Variants in DDX10 observed in about 807,000 individuals in gnomAD.
DDX10 encodes DEAD-box helicase 10.
DDX10 carries 74 observed loss-of-function variants against 104.3 expected under a neutral mutation model. The ratio of observed to expected loss-of-function variants is 0.71; its 90% CI spans 0.59 to 0.86. The LOEUF (loss-of-function observed/expected upper bound fraction) is 0.86. Among genes scored for constraint, DDX10 ranks in the 40% least tolerant of loss-of-function variants. The pLI is 0.00. For missense variants in DDX10, 952 were observed against 1,040.0 expected, an observed-to-expected ratio of 0.92 and a Z score of 1.16; for synonymous variants, 351 against 353.4, an observed-to-expected ratio of 0.99 and a Z score of 0.08.
At chr11:108,715,703 C>T (rs1465030916) in intron 10 of DDX10, among the ~76,000 whole-genome samples, 176 bp from the exon 11 acceptor site, 2 of 152,168 alleles carry the variant, frequency 1.3e-5, no homozygotes, top group Non-Finnish European at 2.9e-5. Flanking sequence ...CTGTGTTATT[C>T]ATAGTAGGTA....
At chr11:108,872,984 G>A (rs1244413574) in intron 16 of DDX10, among the ~76,000 whole-genome samples, 11 of 152,100 alleles carry the variant, frequency 7.2e-5, no homozygotes. Context: ...GAGATCAGGA[G>A]CCACTGCTCA....
intron 16 of DDX10, among the ~76,000 whole-genome samples, chr11:108,875,176 T>C (rs1302317666): frequency 6.6e-6 from 1 of 152,180 alleles, no homozygotes; most frequent in Non-Finnish European, 1.5e-5. Context: ...TGTATGACAT[T>C]TTAATTCTGA....
chr11:108,811,072 C>T (rs888706188), intron 13 of DDX10, among the ~76,000 whole-genome samples: 1 of 152,146 alleles, frequency 6.6e-6, no homozygotes, highest in African/African-American at 2.4e-5. Context: ...TAGGAGATCA[C>T]TAGATTCTGT....
chr11:108,770,498 C>T (rs2134525819), intron 13 of DDX10, among the ~76,000 whole-genome samples: 1 of 139,954 alleles, frequency 7.1e-6, no homozygotes, highest in East Asian at 2.2e-4. Context: ...CTCCCCCCTC[C>T]CCCCTGCACC....
chr11:108,903,735 A>C (rs777931747), intron 16 of DDX10, among the ~76,000 whole-genome samples: 1 of 152,160 alleles, frequency 6.6e-6, no homozygotes, highest in Non-Finnish European at 1.5e-5. Context: ...ATGACCATAA[A>C]GGGTTCTGGA....
At chr11:108,874,010 A>G (rs1418931783) in intron 16 of DDX10, among the ~76,000 whole-genome samples, 4 of 152,132 alleles carry the variant, frequency 2.6e-5, no homozygotes, top group African/African-American at 9.7e-5. Flanking sequence ...TACTTGACCT[A>G]AGGGAAGATG....
intron 16 of DDX10, among the ~76,000 whole-genome samples, chr11:108,896,287 C>T (rs138657364): frequency 6.6e-6 from 1 of 152,046 alleles, no homozygotes; most frequent in Non-Finnish European, 1.5e-5. Flanking sequence ...TCCAACGTGG[C>T]AGATCTCTGT....
chr11:108,810,890 A>G (rs1413074785), intron 13 of DDX10, among the ~76,000 whole-genome samples: 5 of 152,012 alleles, frequency 3.3e-5, no homozygotes, highest in African/African-American at 1.2e-4. Context: ...CTCACCACCA[A>G]CCCGTTTCGC....
chr11:108,903,082 T>C (rs1863539823), intron 16 of DDX10, among the ~76,000 whole-genome samples: 1 of 152,164 alleles, frequency 6.6e-6, no homozygotes, highest in African/African-American at 2.4e-5. Context: ...AACTTGACCC[T>C]GCAGACCCTT....
At chr11:108,917,632 T>C (rs1323548020) in intron 16 of DDX10, among the ~76,000 whole-genome samples, 1 of 152,208 alleles carries the variant, frequency 6.6e-6, no homozygotes, top group African/African-American at 2.4e-5. Flanking sequence ...TCTCCTGTAT[T>C]GTGTTTAAAG....
chr11:108,869,004 A>G (rs1010283888), intron 16 of DDX10, among the ~76,000 whole-genome samples: 1 of 145,642 alleles, frequency 6.9e-6, no homozygotes, highest in South Asian at 2.2e-4. Context: ...GACAGTGAGT[A>G]GGAGAAAAAG....
In DDX10 at chr11:108,900,391, C is replaced by G. The variant is rs374324496; in HGVS notation, c.2305-17482C>G. On this transcript the variant is annotated intron_variant, in intron 16 of 17. Coordinates refer to ENST00000322536, the MANE Select transcript of DDX10 (RefSeq NM_004398.4). ...ACAGATATTTTGACTACTGAGAAAT[C>G]CAAAGATATATCAGCTCAGAATTCC... is the stretch of plus-strand genomic sequence containing the variant. Among the ~76,000 whole-genome samples, 29 of 152,216 alleles carry G rather than the reference C, an allele frequency of 1.9e-4. 1 individual carries two copies. Among genetic ancestry groups the G allele is most frequent in the African/African-American group, 7.0e-4 (29 of 41,550 alleles).
At chr11:108,805,838 CTTAT>C (rs1479574955) in intron 13 of DDX10, among the ~76,000 whole-genome samples, 2 of 152,006 alleles carry the variant, frequency 1.3e-5, no homozygotes, top group African/African-American at 2.4e-5. Context: ...AATAAATGTA[CTTAT>C]TTAATAATGA....
At chr11:108,677,305 G>T (rs753245419) in intron 4 of DDX10, 62 bp downstream of exon 4, 2 of 1,446,298 alleles carry the variant, frequency 1.4e-6, no homozygotes, top group African/African-American at 2.8e-5. Flanking sequence ...TACTGTGGCC[G>T]ATGACAGGGA....
intron 17 of DDX10, among the ~76,000 whole-genome samples, chr11:108,925,478 C>A (rs114681692): frequency 0.01 from 1,573 of 152,282 alleles, 27 homozygotes; most frequent in African/African-American, 0.036. Context: ...GGTTCTCTGG[C>A]AGCTGCCCTA....
chr11:108,677,094 G>A lies in DDX10; in HGVS notation c.388G>A (p.Ala130Thr). Residue 130 changes from alanine to threonine, a missense_variant, in exon 4 of 18, where the codon GCC becomes ACC. Physicochemically the swap from Ala to Thr is moderately conservative, Grantham distance 58 (BLOSUM62 0). Transcript: ENST00000322536. ...TLAFLVPVLEALYRLQWTSTD... is the reference protein window; with the variant it reads ...TLAFLVPVLETLYRLQWTSTD... Reference sequence around the variant, plus strand: ...TTGCTGTCTTTTTGAGGTGCTGGAAGCCTTATATCGTCTGCAATGGACTTC... The same window carrying A: ...TTGCTGTCTTTTTGAGGTGCTGGAAACCTTATATCGTCTGCAATGGACTTC... 1 of 1,609,020 alleles carries A rather than the reference G, an allele frequency of 6.2e-7. No homozygotes were observed. Among genetic ancestry groups the A allele is most frequent in the South Asian group, 1.1e-5 (1 of 90,622 alleles).
At chr11:108,739,065 GC>G (rs929470347) in intron 13 of DDX10, among the ~76,000 whole-genome samples, 4 of 151,986 alleles carry the variant, frequency 2.6e-5, no homozygotes, top group Admixed American at 2.6e-4. Context: ...AAACAACTCT[GC>G]CCCCCCAGGG....
At position 108,715,958 on chromosome 11, in the gene DDX10, G is replaced by T. The variant is rs146034664; in HGVS notation, c.1402G>T (p.Ala468Ser). The T allele has an allele frequency of 5.1e-5, 78 of 1,534,136 alleles. No individual in the cohort carries two copies. The African/African-American group carries it at 9.3e-4, about 18-fold the overall frequency. Residue 468 changes from alanine to serine, a missense_variant, in exon 11 of 18, where the codon GCT becomes TCT. Around this residue, in one of 3 missense-constraint regions of DDX10, gnomAD observed 533 missense variants for 534.1 expected, o/e 1.00. Transcript: ENST00000322536. ...TCAAGATCAAGATTTAAAAGAAAGA[G>T]CTCAAAGGGTAAGTCATTTTTCAGT... ...LAQDQDLKER[A>S]QRCFVSYVRS...
rs2094226369 is a variant in DDX10 at position 108,677,088 on chromosome 11, C to T, written c.382C>T (p.Leu128=). ...ATGAATTTGCTGTCTTTTTGAGGTG[C>T]TGGAAGCCTTATATCGTCTGCAATG... is the stretch of plus-strand genomic sequence containing the variant. The part of the protein sequence containing the change: ...GKTLAFLVPV[L]EALYRLQWTS... Residue 128 remains leucine (L), a synonymous_variant, in exon 4 of 18, where the codon CTG becomes TTG. Coordinates refer to ENST00000322536, the MANE Select transcript of DDX10 (RefSeq NM_004398.4). The T allele has an allele frequency of 1.2e-6, 2 of 1,605,454 alleles. No homozygotes were observed. The highest frequency in any genetic ancestry group is 2.7e-5 in the African/African-American group (2 of 74,692).
Sources: allele counts gnomAD v4.1 joint callset (sites outside exome capture counted in the v4.1 genomes callset), GRCh38; gene constraint gnomAD v4.1.1; regional missense constraint gnomAD v4.1.1; transcripts MANE v1.5; gene names NCBI Gene and HGNC (gene_info 2026-07-23, HGNC 2026-07-21).